Variants in FOXP4 observed in about 807,000 individuals in gnomAD.
FOXP4 encodes the protein forkhead box protein P4.
Under a neutral mutation model 82.6 loss-of-function variants are expected in FOXP4, and 25 were observed. The ratio of observed to expected loss-of-function variants is 0.30; its 90% CI spans 0.22 to 0.42. The LOEUF is 0.42. FOXP4 is among the 10% of genes least tolerant of loss of function. The pLI is 1.00. For missense variants in FOXP4, 785 were observed against 900.9 expected (o/e 0.87, Z 1.65); for synonymous variants, 415 against 388.2 (o/e 1.07, Z -0.81).
chr6:41,590,742 A>C (rs775951764), intron 12 of FOXP4, among the ~76,000 whole-genome samples: 5 of 152,156 alleles, frequency 3.3e-5, no homozygotes, highest in Non-Finnish European at 5.9e-5. Flanking sequence ...ATGAACTTAC[A>C]TCGACACATA....
intron 14 of FOXP4, among the ~76,000 whole-genome samples, chr6:41,596,172 A>G (rs1581792162): frequency 6.6e-6 from 1 of 152,206 alleles, no homozygotes; most frequent in East Asian, 1.9e-4. Context: ...TGCTGGGATT[A>G]CAGGCGTGAG....
rs373891211 is a variant in FOXP4, at chr6:41,565,913, C to A, written c.153C>A (p.Asp51Glu). 3 of 1,614,058 alleles carry A rather than the reference C, an allele frequency of 1.9e-6. No homozygotes were observed. The highest frequency in any genetic ancestry group is 2.7e-5 in the African/African-American group (2 of 75,056). Reference sequence around the variant, plus strand: ...GCAGGGAAGTGACCACGGGTGCAGACAGCAATGGTGAGATGAGTCCCGCAG... The same window carrying A: ...GCAGGGAAGTGACCACGGGTGCAGAAAGCAATGGTGAGATGAGTCCCGCAG... ...GTGREVTTGA[D>E]SNGEMSPAEL... The change falls in exon 2 of 17, where the codon GAC becomes GAA. Residue 51 changes from aspartate (D) to glutamate (E), a missense_variant. Transcript: ENST00000307972.
At chr6:41,585,097 G>T (rs1023045413) in intron 4 of FOXP4, among the ~76,000 whole-genome samples, 4 of 152,170 alleles carry the variant, frequency 2.6e-5, no homozygotes. Flanking sequence ...AATACTCCCC[G>T]GTCCTCCCTC....
chr6:41,561,377 G>A (rs1212606373), intron 1 of FOXP4, among the ~76,000 whole-genome samples: 1 of 152,136 alleles, frequency 6.6e-6, no homozygotes. Flanking sequence ...TGGGGTGGGG[G>A]ATAAGAGCCC....
At chr6:41,552,559 TCC>T (rs1180767861) in intron 1 of FOXP4, among the ~76,000 whole-genome samples, 1 of 152,166 alleles carries the variant, frequency 6.6e-6, no homozygotes, top group Non-Finnish European at 1.5e-5. Flanking sequence ...TTTGGATTGT[TCC>T]CTCAGTGAGT....
rs111355090 is a variant in FOXP4, at chr6:41,552,709, C to T, written c.-17+5842C>T. Among the ~76,000 whole-genome samples the T allele has an allele frequency of 5.0e-3, 758 of 152,222 alleles. 9 individuals are homozygous for T. The highest frequency in any genetic ancestry group is 0.017 in the African/African-American group (712 of 41,518). On this transcript the variant is annotated intron_variant, in intron 1 of 16. Coordinates refer to ENST00000307972, the MANE Select transcript of FOXP4 (RefSeq NM_001012426.2). Reference sequence around the variant, plus strand: ...GAAAAGAACTGCAGCTGGGCTAGCTCGGGCCGGCAGCTGGGGATCCGGAAA... The same window carrying T: ...GAAAAGAACTGCAGCTGGGCTAGCTTGGGCCGGCAGCTGGGGATCCGGAAA...
In FOXP4 at chr6:41,593,153, C is replaced by T. The variant is rs1368587281; in HGVS notation, c.1537-1717C>T. Among the ~76,000 whole-genome samples the T allele has an allele frequency of 6.6e-6, 1 of 152,208 alleles. No homozygotes were observed. Among genetic ancestry groups the T allele is most frequent in the Non-Finnish European group, 1.5e-5 (1 of 68,048 alleles). On this transcript the variant is annotated intron_variant, in intron 13 of 16. Transcript: ENST00000307972. This position sits in a 1 kb window ranked among gnomAD's most constrained non-coding sequence, Gnocchi z 4.1. ...ACTTGGGAAATACACCATCTACACC[C>T]AACTCTGCTTCCCTTCCACCTCTAC...
chr6:41,577,911 T>C, intron 2 of FOXP4, 75 bp from the exon 3 acceptor site: 1 of 1,078,382 alleles, frequency 9.3e-7, no homozygotes, highest in Admixed American at 1.9e-5. Flanking sequence ...TTCTCCTTAC[T>C]GCCCCAAACA....
At position 41,548,823 on chromosome 6, in the gene FOXP4, CCT is replaced by C. The variant is rs1491339525; in HGVS notation, c.-17+1957_-17+1958del. ...AAACCGCTGTGGGGAAGTCTGAAGGCCTTTTTTTTTTTTTTTTTTTTTCAACT... is the reference window on the plus strand; with the variant it reads ...AAACCGCTGTGGGGAAGTCTGAAGGCTTTTTTTTTTTTTTTTTTTTCAACT... On this transcript the variant is annotated intron_variant, in intron 1 of 16. Transcript: ENST00000307972. Among the ~76,000 whole-genome samples, 4 of 109,124 alleles carry C rather than the reference CCT, an allele frequency of 3.7e-5. No homozygotes were observed. The East Asian group carries it at 7.9e-4, about 22-fold the overall frequency. The allele number at this position is 109,124 out of a possible 152,430, so 71.6% of individuals were successfully genotyped here. A position where few individuals can be genotyped will look rare whatever the true frequency, so the allele number is the denominator to read the frequency against.
chr6:41,561,022 G>T (rs1447649689), intron 1 of FOXP4, among the ~76,000 whole-genome samples: 1 of 152,204 alleles, frequency 6.6e-6, no homozygotes, highest in African/African-American at 2.4e-5. Context: ...CGAGTTCCAA[G>T]GGCGTCCCTC....
chr6:41,590,654 G>A (rs148719242), intron 12 of FOXP4, among the ~76,000 whole-genome samples: 200 of 152,172 alleles, frequency 1.3e-3, no homozygotes, highest in African/African-American at 4.1e-3. Flanking sequence ...GTCACTCTTC[G>A]TCTCTCTCCT....
chr6:41,589,931 A>C (rs1766398355), intron 10 of FOXP4, 32 bp from the exon 11 acceptor site: 1 of 1,548,084 alleles, frequency 6.5e-7, no homozygotes, highest in Non-Finnish European at 8.8e-7. Flanking sequence ...ACCCTCGGGC[A>C]CTGGTCTCAG....
At chr6:41,563,272 T>G (rs558262766) in intron 1 of FOXP4, among the ~76,000 whole-genome samples, 1 of 152,312 alleles carries the variant, frequency 6.6e-6, no homozygotes, top group East Asian at 1.9e-4. Context: ...CCGACTCTGC[T>G]TCCAGCCAGG....
At chr6:41,570,027 C>CA (rs1263848529) in intron 2 of FOXP4, 8 of 197,118 alleles carry the variant, frequency 4.1e-5, no homozygotes, top group African/African-American at 1.4e-4. Context: ...AGAGGGATGA[C>CA]AGCAGGGGAA....
intron 1 of FOXP4, among the ~76,000 whole-genome samples, chr6:41,562,091 G>A (rs907055881): frequency 2.0e-5 from 3 of 152,246 alleles, no homozygotes; most frequent in Non-Finnish European, 2.9e-5. Context: ...CGGTGCTGTC[G>A]CGGCGCCCTG....
intron 2 of FOXP4, among the ~76,000 whole-genome samples, chr6:41,569,093 G>A (rs1435844712): frequency 6.6e-6 from 1 of 152,184 alleles, no homozygotes; most frequent in African/African-American, 2.4e-5. Flanking sequence ...TCATTGGTGA[G>A]TGACAGAGCC....
Position 41,590,286 on chromosome 6 carries a change from A to G in FOXP4, c.1373A>G (p.His458Arg). 6.2e-7 allele frequency: 1 copy of G among 1,614,028 alleles called. No homozygotes were observed. Reference protein sequence around the residue: ...SPISSELAQNHEFYKNADVRP... With the variant: ...SPISSELAQNREFYKNADVRP... Reference sequence around the variant, plus strand: ...GTCTCCCCAGAGCTGGCCCAGAATCATGAGTTCTACAAGAACGCCGACGTC... The same window carrying G: ...GTCTCCCCAGAGCTGGCCCAGAATCGTGAGTTCTACAAGAACGCCGACGTC... The change falls in exon 12 of 17, where the codon CAT becomes CGT. Residue 458 changes from histidine (H) to arginine (R), a missense_variant. This residue lies in a region of FOXP4 where 570 missense variants were observed against 634.0 expected (regional missense o/e 0.90). Transcript: ENST00000307972.
At chr6:41,594,261 G>T (rs141921183) in intron 13 of FOXP4, among the ~76,000 whole-genome samples, 1 of 152,210 alleles carries the variant, frequency 6.6e-6, no homozygotes, top group African/African-American at 2.4e-5. Flanking sequence ...CTCTCTCCCT[G>T]TTTATTTCAA....
intron 1 of FOXP4, among the ~76,000 whole-genome samples, chr6:41,563,683 C>A (rs1057265285): frequency 6.6e-6 from 1 of 152,128 alleles, no homozygotes; most frequent in African/African-American, 2.4e-5. Context: ...AGGCGCTGAT[C>A]AATATTGGGG....
Sources: allele counts gnomAD v4.1 joint callset (sites outside exome capture counted in the v4.1 genomes callset), GRCh38; gene constraint gnomAD v4.1.1; regional missense constraint gnomAD v4.1.1; non-coding constraint Gnocchi (gnomAD v3.1); transcripts MANE v1.5; gene names NCBI Gene and HGNC (gene_info 2026-07-23, HGNC 2026-07-21).